RSPO3: variants seen among roughly 807,000 people sequenced by gnomAD.
The protein encoded by RSPO3 is R-spondin-3.
RSPO3 carries 17 observed loss-of-function variants against 36.5 expected under a neutral mutation model. The observed-to-expected ratio is 0.47, with a 90% confidence interval of 0.32 to 0.70. The LOEUF is 0.70. RSPO3 is among the 30% of genes least tolerant of loss of function. RSPO3 has a pLI of 0.04. For synonymous variants in RSPO3, 108 were observed against 107.0 expected, an observed-to-expected ratio of 1.01 and a Z score of -0.06; for missense variants, 294 against 322.5, an observed-to-expected ratio of 0.91 and a Z score of 0.68.
intron 4 of RSPO3, among the ~76,000 whole-genome samples, chr6:127,180,830 A>G (rs1423690143): frequency 6.6e-6 from 1 of 151,768 alleles, no homozygotes; most frequent in Admixed American, 6.6e-5. Flanking sequence ...AATTCTTTTC[A>G]TTTTCAACTA....
Position 127,197,236 on chromosome 6 carries a change from AG to A in RSPO3, c.*1231del. On this transcript the variant is annotated 3_prime_UTR_variant, in exon 5 of 5. Coordinates refer to ENST00000356698, the MANE Select transcript of RSPO3 (RefSeq NM_032784.5). Reference sequence around the variant, plus strand: ...AATGGAGATTTACTTATAGCGTATTAGGAGATATTTATTCCATTTTCTTATT... The same window carrying A: ...AATGGAGATTTACTTATAGCGTATTAGAGATATTTATTCCATTTTCTTATT... 1.5e-6 allele frequency: 1 copy of A among 657,032 alleles called. No homozygotes were observed. The highest frequency in any genetic ancestry group is 2.5e-6 in the Non-Finnish European group (1 of 397,242). The allele number at this position is 657,032 out of a possible 1,614,324, so 40.7% of individuals were successfully genotyped here.
At chr6:127,152,341 T>A (rs1305764564) in intron 3 of RSPO3, among the ~76,000 whole-genome samples, 2 of 152,108 alleles carry the variant, frequency 1.3e-5, no homozygotes, top group Non-Finnish European at 2.9e-5. Context: ...AAGAGATGTC[T>A]CCCATCATAT....
At chr6:127,187,105 C>T (rs1031980764) in intron 4 of RSPO3, among the ~76,000 whole-genome samples, 2 of 152,056 alleles carry the variant, frequency 1.3e-5, no homozygotes, top group African/African-American at 4.8e-5. Context: ...GGGGCGCCAG[C>T]GGGCATGGTG....
chr6:127,131,742 A>T (rs1774061894), intron 1 of RSPO3, among the ~76,000 whole-genome samples: 1 of 152,078 alleles, frequency 6.6e-6, no homozygotes, highest in African/African-American at 2.4e-5. Context: ...TAGCTCTTTC[A>T]TGCTGACTAC....
intron 1 of RSPO3, 144 bp downstream of exon 1, chr6:127,119,433 G>A (rs1582779658): frequency 1.5e-6 from 1 of 651,482 alleles, no homozygotes; most frequent in Admixed American, 2.8e-5. Context: ...GGCTTTGGGG[G>A]TATGGACGGC....
chr6:127,149,436 T>C (rs1774447219), intron 2 of RSPO3, among the ~76,000 whole-genome samples: 1 of 152,060 alleles, frequency 6.6e-6, no homozygotes, highest in Non-Finnish European at 1.5e-5. Flanking sequence ...TCTCATAAGA[T>C]CTTCCCACCT....
intron 1 of RSPO3, among the ~76,000 whole-genome samples, chr6:127,143,553 A>G (rs1774321675): frequency 6.6e-6 from 1 of 152,216 alleles, no homozygotes; most frequent in Admixed American, 6.5e-5. Flanking sequence ...ATTAGATTAT[A>G]AAATCATTAT....
At chr6:127,143,362 A>T (rs1357107065) in intron 1 of RSPO3, among the ~76,000 whole-genome samples, 1 of 152,144 alleles carries the variant, frequency 6.6e-6, no homozygotes, top group East Asian at 1.9e-4. Flanking sequence ...ATGTAAAAAA[A>T]ACTTTGATTA....
intron 4 of RSPO3, among the ~76,000 whole-genome samples, chr6:127,187,031 A>G (rs1775308414): frequency 1.3e-5 from 2 of 152,318 alleles, no homozygotes; most frequent in Middle Eastern, 3.4e-3. Context: ...TAAATATTTA[A>G]TAAGTTCCAT....
At chr6:127,139,568 A>ATATATAT in intron 1 of RSPO3, among the ~76,000 whole-genome samples, 1 of 151,760 alleles carries the variant, frequency 6.6e-6, no homozygotes. Context: ...TTAGAAAAAA[A>ATATATAT]ATATTTCTAA....
At chr6:127,192,670 T>G in intron 4 of RSPO3, 1 of 985,424 alleles carries the variant, frequency 1.0e-6, no homozygotes, top group Non-Finnish European at 1.2e-6. Context: ...AGATGAACGC[T>G]GTTTTAATCA....
At chr6:127,194,489 G>C (rs981002562) in intron 4 of RSPO3, among the ~76,000 whole-genome samples, 2 of 152,108 alleles carry the variant, frequency 1.3e-5, no homozygotes, top group Non-Finnish European at 1.5e-5. Context: ...CTAAAACCAT[G>C]CCTTCAGACT....
chr6:127,188,049 C>A (rs1456584577), intron 4 of RSPO3, among the ~76,000 whole-genome samples: 1 of 152,050 alleles, frequency 6.6e-6, no homozygotes, highest in African/African-American at 2.4e-5. Context: ...CAGCTAATGG[C>A]CCTTTTAAAT....
rs1413703282 is a variant in RSPO3 at position 127,199,347 on chromosome 6, T to C, written c.*3340T>C. ...TGACTAATTCCACAAGTCAAACATA[T>C]AAATTTTATTTCTTGATTCATGATA... On this transcript the variant is annotated 3_prime_UTR_variant, in exon 5 of 5. Transcript: ENST00000356698. 6.6e-6 allele frequency among the ~76,000 whole-genome samples: 1 copy of C among 152,174 alleles called. No individual in the cohort carries two copies. Among genetic ancestry groups the C allele is most frequent in the Non-Finnish European group, 1.5e-5 (1 of 68,032 alleles).
chr6:127,149,324 G>A (rs550092136), intron 2 of RSPO3, among the ~76,000 whole-genome samples: 31 of 152,140 alleles, frequency 2.0e-4, no homozygotes, highest in African/African-American at 7.5e-4. Context: ...TCTCAAAAAT[G>A]TAAATTAGGA....
intron 4 of RSPO3, among the ~76,000 whole-genome samples, chr6:127,169,816 T>G (rs551268906): frequency 1.3e-5 from 2 of 151,806 alleles, no homozygotes; most frequent in African/African-American, 4.8e-5. Flanking sequence ...TATTTAATAA[T>G]ATATCACCAT....
intron 4 of RSPO3, among the ~76,000 whole-genome samples, chr6:127,189,461 T>C (rs752732350): frequency 8.6e-5 from 13 of 152,020 alleles, no homozygotes; most frequent in Non-Finnish European, 1.6e-4. Flanking sequence ...CATATCACAG[T>C]GGACAAGGAC....
chr6:127,124,180 A>G (rs1423696164), intron 1 of RSPO3, among the ~76,000 whole-genome samples: 1 of 152,030 alleles, frequency 6.6e-6, no homozygotes, highest in Non-Finnish European at 1.5e-5. Flanking sequence ...ACTATTCTAG[A>G]TATACTGATT....
intron 1 of RSPO3, among the ~76,000 whole-genome samples, chr6:127,136,932 T>A (rs189995140): frequency 1.3e-5 from 2 of 152,260 alleles, no homozygotes; most frequent in African/African-American, 4.8e-5. Context: ...TGAATACCCA[T>A]GAATGAGCTT....
Sources: allele counts gnomAD v4.1 joint callset (sites outside exome capture counted in the v4.1 genomes callset), GRCh38; gene constraint gnomAD v4.1.1; transcripts MANE v1.5; gene names NCBI Gene and HGNC (gene_info 2026-07-23, HGNC 2026-07-21).